PM20D1: variants seen among roughly 807,000 people sequenced by gnomAD.
PM20D1 encodes the protein peptidase M20 domain containing 1, also known as N-fatty-acyl-amino acid synthase/hydrolase PM20D1.
In PM20D1, 53 loss-of-function variants were observed where a neutral mutation model predicts 53.8. The ratio of observed to expected loss-of-function variants is 0.98; its 90% confidence interval spans 0.79 to 1.24. The LOEUF (loss-of-function observed/expected upper bound fraction) is 1.24, where lower values mean the gene tolerates loss of function less well. Among genes scored for constraint, PM20D1 ranks in the 50% most tolerant of loss-of-function variants. PM20D1 has a pLI of 0.00. For synonymous variants in PM20D1, 239 were observed against 241.3 expected, an observed-to-expected ratio of 0.99 and a Z score of 0.09; for missense variants, 564 against 616.8, an observed-to-expected ratio of 0.91 and a Z score of 0.91.
chr1:205,847,014 T>C (rs1286470103), intron 2 of PM20D1, among the ~76,000 whole-genome samples: 3 of 133,000 alleles, frequency 2.3e-5, no homozygotes, highest in Admixed American at 7.6e-5. Context: ...TTCTTTTTTT[T>C]TTTTTTTTTT....
chr1:205,830,234 G>C, intron 12 of PM20D1, 46 bp downstream of exon 12: 1 of 1,368,992 alleles, frequency 7.3e-7, no homozygotes, highest in Non-Finnish European at 1.0e-6. Flanking sequence ...GACACATCAA[G>C]TGTATTTCTT....
At position 205,842,767 on chromosome 1, in the gene PM20D1, A is replaced by C. The variant is rs1656844024; in HGVS notation, c.828-16T>G. The C allele has an allele frequency of 1.2e-6, 2 of 1,613,010 alleles. No homozygotes were observed. Among genetic ancestry groups the C allele is most frequent in the African/African-American group, 2.7e-5 (2 of 74,908 alleles). ...CTGCTCCAATCTGGAAGAGAAACAGAGTCCTCAAGACTTAGCGAACCCCAG... is the reference window on the plus strand; with the variant it reads ...CTGCTCCAATCTGGAAGAGAAACAGCGTCCTCAAGACTTAGCGAACCCCAG... On this transcript the variant is annotated splice_polypyrimidine_tract_variant and intron_variant, in intron 6 of 12. Transcript: ENST00000367136.
chr1:205,834,156 CT>C (rs34037383), intron 10 of PM20D1, among the ~76,000 whole-genome samples: 53,570 of 126,362 alleles, frequency 0.42, 11,169 homozygotes, highest in Non-Finnish European at 0.5. Context: ...CCAAGAGTAC[CT>C]TTTTTTTTTT....
intron 3 of PM20D1, 54 bp downstream of exon 3, chr1:205,845,271 C>G: frequency 6.4e-7 from 1 of 1,552,762 alleles, no homozygotes; most frequent in Non-Finnish European, 8.9e-7. Context: ...CCAAGCACCC[C>G]CATCCTGATT....
intron 10 of PM20D1, among the ~76,000 whole-genome samples, chr1:205,835,716 C>T (rs1656672455): frequency 6.7e-6 from 1 of 148,324 alleles, no homozygotes; most frequent in South Asian, 2.1e-4. Flanking sequence ...ACATGGTAAG[C>T]ACTCAAAAAA....
intron 1 of PM20D1, among the ~76,000 whole-genome samples, chr1:205,848,861 T>G (rs770048806): frequency 9.9e-5 from 15 of 152,202 alleles, no homozygotes; most frequent in Non-Finnish European, 2.2e-4. Flanking sequence ...AAGTGCCTAC[T>G]CAAGGGCAGA....
chr1:205,833,932 C>T (rs2102523992), intron 10 of PM20D1, among the ~76,000 whole-genome samples: 1 of 152,006 alleles, frequency 6.6e-6, no homozygotes, highest in South Asian at 2.1e-4. Flanking sequence ...ACTGCAACCT[C>T]TGCCTCCCAG....
At chr1:205,830,516 T>C (rs1052693896) in intron 11 of PM20D1, 137 bp from the exon 12 acceptor site, 1 of 601,892 alleles carries the variant, frequency 1.7e-6, no homozygotes, top group Non-Finnish European at 3.0e-6. Flanking sequence ...TGAAAGCGTA[T>C]AGCTATCCTT....
rs1428297864 is a variant in PM20D1, at chr1:205,844,169, C to T, written c.625G>A (p.Gly209Ser). 6 of 1,613,856 alleles carry T rather than the reference C, an allele frequency of 3.7e-6. No individual in the cohort carries two copies. The highest frequency in any genetic ancestry group is 5.1e-6 in the Non-Finnish European group (6 of 1,179,942). The change falls in exon 5 of 13, where the codon GGC becomes AGC. Residue 209 changes from glycine (G) to serine (S), a missense_variant. Coordinates refer to ENST00000367136, the MANE Select transcript of PM20D1 (RefSeq NM_152491.5). ...TCCACAATGAAGGCTAGCTGGACGC[C>T]CCTTGACTGTAGCAGGGCTGAGATC... ...QRISALLQSR[G>S]VQLAFIVDEG...
intron 1 of PM20D1, among the ~76,000 whole-genome samples, chr1:205,849,539 C>T (rs1248475056): frequency 2.0e-5 from 3 of 152,120 alleles, no homozygotes; most frequent in Non-Finnish European, 4.4e-5. Context: ...TTTTACGACA[C>T]CGCAGTAATT....
intron 10 of PM20D1, among the ~76,000 whole-genome samples, chr1:205,839,910 C>CAAAAAAAAAAA (rs567749262): frequency 1.7e-5 from 1 of 58,084 alleles, no homozygotes; most frequent in Non-Finnish European, 2.8e-5. Context: ...GACTCTGACT[C>CAAAAAAAAAAA]AAAAAAAAAA....
intron 2 of PM20D1, among the ~76,000 whole-genome samples, chr1:205,847,105 A>G (rs1428316050): frequency 7.7e-6 from 1 of 130,560 alleles, no homozygotes; most frequent in African/African-American, 3.1e-5. Flanking sequence ...GCAGCCTTGA[A>G]TTCCTGGAAT....
At chr1:205,844,659 T>G in intron 4 of PM20D1, 152 bp downstream of exon 4, 1 of 656,904 alleles carries the variant, frequency 1.5e-6, no homozygotes, top group African/African-American at 1.8e-5. Context: ...TCAAGGTCCT[T>G]AGATAGTCCT....
At position 205,844,266 on chromosome 1, in the gene PM20D1, C is replaced by T. The variant is rs1269016245; in HGVS notation, c.577-49G>A. On this transcript the variant is annotated intron_variant, in intron 4 of 12. Transcript: ENST00000367136. ...ATAGTCCTTCTCAGCCAGAGACAGA[C>T]CTCCAGACATAGCTAATGGGGACCT... 3 of 1,531,690 alleles carry T rather than the reference C, an allele frequency of 2.0e-6. No homozygotes were observed. In the South Asian group the frequency reaches 3.8e-5, roughly 19 times the overall value. The allele number at this position is 1,531,690 out of a possible 1,614,324, so 94.9% of individuals were successfully genotyped here.
rs545436855 is a variant in PM20D1, at chr1:205,849,731, C to T, written c.169+173G>A. On this transcript the variant is annotated intron_variant, in intron 1 of 12. Transcript: ENST00000367136. Reference sequence around the variant, plus strand: ...CCAGGTATGGGGGAAGTGTGGCGTCCCCAGACAGGGGCACGATGTGCTGGG... The same window carrying T: ...CCAGGTATGGGGGAAGTGTGGCGTCTCCAGACAGGGGCACGATGTGCTGGG... 2.6e-5 allele frequency among the ~76,000 whole-genome samples: 4 copies of T among 152,038 alleles called. No individual in the cohort carries two copies. The South Asian group carries it at 8.3e-4, about 32-fold the overall frequency.
chr1:205,832,455 A>C, intron 11 of PM20D1, 143 bp downstream of exon 11: 1 of 839,976 alleles, frequency 1.2e-6, no homozygotes, highest in South Asian at 1.8e-5. Flanking sequence ...CTGAAGGGAA[A>C]ATACAGTTCT....
Position 205,849,984 on chromosome 1 carries a change from C to G in PM20D1, c.89G>C (p.Ser30Thr). The stretch of plus-strand genomic sequence containing the variant: ...TCGCGACGCCCTTTGATGCTCCCCG[C>G]TCCTCGGGCCCATCGATCTGGAGAC... Reference protein sequence around the residue: ...PTVSRSMGPRSGEHQRASRIP... With the variant: ...PTVSRSMGPRTGEHQRASRIP... The change falls in exon 1 of 13, where the codon AGC becomes ACC. Residue 30 changes from serine to threonine, a missense_variant. Ser to Thr is a moderately conservative substitution (Grantham distance 58). Transcript: ENST00000367136. 1 of 1,614,172 alleles carries G rather than the reference C, an allele frequency of 6.2e-7. No homozygotes were observed.
At position 205,840,306 on chromosome 1, in the gene PM20D1, T is replaced by C. The variant is rs2102527640; in HGVS notation, c.1062A>G (p.Pro354=). Reference sequence around the variant, plus strand: ...GGAAGTTGACTGTGGCCTGGGCCACTGGGGGGATGACATTGAACTAGAGAG... The same window carrying C: ...GGAAGTTGACTGTGGCCTGGGCCACCGGGGGGATGACATTGAACTAGAGAG... ...KAGVKFNVIP[P]VAQATVNFRI... is the part of the protein sequence containing the mutation. Residue 354 remains proline, a synonymous_variant, in exon 10 of 13, where the codon CCA becomes CCG. Coordinates refer to ENST00000367136, the MANE Select transcript of PM20D1 (RefSeq NM_152491.5). 1.9e-6 allele frequency: 3 copies of C among 1,613,934 alleles called. No individual in the cohort carries two copies. Among genetic ancestry groups the C allele is most frequent in the Non-Finnish European group, 2.5e-6 (3 of 1,179,908 alleles).
chr1:205,836,034 C>A (rs1042321759), intron 10 of PM20D1, among the ~76,000 whole-genome samples: 4 of 152,044 alleles, frequency 2.6e-5, no homozygotes, highest in Non-Finnish European at 4.4e-5. Context: ...CACCACCATG[C>A]CCAGCTAATT....
Sources: allele counts gnomAD v4.1 joint callset (sites outside exome capture counted in the v4.1 genomes callset), GRCh38; gene constraint gnomAD v4.1.1; transcripts MANE v1.5; gene names NCBI Gene and HGNC (gene_info 2026-07-23, HGNC 2026-07-21).